Variants in RPS6KA5 observed in about 807,000 individuals in gnomAD.
The protein encoded by RPS6KA5 is ribosomal protein S6 kinase alpha-5.
In RPS6KA5, 27 loss-of-function variants were observed where a neutral mutation model predicts 85.5. That is an observed-to-expected ratio of 0.32 (90% CI 0.23 to 0.44). The LOEUF (loss-of-function observed/expected upper bound fraction) is 0.44, where lower values mean the gene tolerates loss of function less well. Ranked by LOEUF, RPS6KA5 falls within the 20% of genes least tolerant of loss-of-function variation. The pLI is 1.00. For missense variants in RPS6KA5, 811 were observed against 980.9 expected (o/e 0.83, Z 2.31); for synonymous variants, 334 against 348.2 (o/e 0.96, Z 0.46).
At chr14:91,031,849 G>C (rs1370817708) in intron 1 of RPS6KA5, among the ~76,000 whole-genome samples, 2 of 151,926 alleles carry the variant, frequency 1.3e-5, no homozygotes, top group South Asian at 4.2e-4. Context: ...AAATAAAACA[G>C]GTCTAAAATT....
intron 2 of RPS6KA5, among the ~76,000 whole-genome samples, chr14:90,989,868 AG>A (rs2040227442): frequency 6.6e-6 from 1 of 152,160 alleles, no homozygotes; most frequent in Non-Finnish European, 1.5e-5. Flanking sequence ...ATGGGCAGGT[AG>A]GGGGACAGGG....
chr14:91,007,092 T>TC (rs1196519325), intron 1 of RPS6KA5, among the ~76,000 whole-genome samples: 1 of 152,180 alleles, frequency 6.6e-6, no homozygotes, highest in African/African-American at 2.4e-5. Context: ...TGCAGATGGA[T>TC]CACTCATGAC....
intron 1 of RPS6KA5, among the ~76,000 whole-genome samples, chr14:91,046,000 C>CCG (rs2042858201): frequency 1.3e-5 from 2 of 152,236 alleles, no homozygotes; most frequent in East Asian, 1.9e-4. Flanking sequence ...TTTGTTTCCC[C>CCG]GCTCTTCACC....
chr14:90,940,151 C>A (rs1047146238), intron 5 of RPS6KA5, among the ~76,000 whole-genome samples: 2 of 152,110 alleles, frequency 1.3e-5, no homozygotes, highest in African/African-American at 4.8e-5. Context: ...CTAGGGCTAA[C>A]AGGAAGAATG....
At chr14:90,880,831 C>CTTT (rs560458875) in intron 14 of RPS6KA5, among the ~76,000 whole-genome samples, 10 of 132,450 alleles carry the variant, frequency 7.6e-5, no homozygotes, top group Admixed American at 2.3e-4. Context: ...CTTTTGTAAA[C>CTTT]TTTTTTTTTT....
At chr14:90,943,547 G>A (rs1752506481) in intron 4 of RPS6KA5, among the ~76,000 whole-genome samples, 1 of 151,896 alleles carries the variant, frequency 6.6e-6, no homozygotes, top group South Asian at 2.1e-4. Context: ...ACTTCCTAAC[G>A]GCTTCAGAAG....
In RPS6KA5 at chr14:90,902,769, C is replaced by T. The variant is rs1566717310; in HGVS notation, c.1119+39G>A. ...AAATTTAATCTTTTCTTTCAAAGGA[C>T]ATATGGCCAATGTGCATGTGCACAG... is the stretch of plus-strand genomic sequence containing the variant. On this transcript the variant is annotated intron_variant, in intron 9 of 16. Coordinates refer to ENST00000614987, the MANE Select transcript of RPS6KA5 (RefSeq NM_004755.4). 7 of 1,576,056 alleles carry T rather than the reference C, an allele frequency of 4.4e-6. No individual in the cohort carries two copies. The Admixed American group carries it at 7.2e-5, about 16-fold the overall frequency.
intron 1 of RPS6KA5, among the ~76,000 whole-genome samples, chr14:91,026,000 C>T (rs2139815838): frequency 6.6e-6 from 1 of 152,240 alleles, no homozygotes; most frequent in East Asian, 1.9e-4. Context: ...TTCTTTCTCT[C>T]TACTGTCTAT....
chr14:90,911,595 G>A (rs1200097304), intron 7 of RPS6KA5: 1 of 152,162 alleles, frequency 6.6e-6, no homozygotes, highest in Non-Finnish European at 1.5e-5. Context: ...TAGGGGAAAA[G>A]TGAAACATAT....
intron 1 of RPS6KA5, among the ~76,000 whole-genome samples, chr14:91,049,243 C>A (rs992378584): frequency 1.3e-5 from 2 of 152,102 alleles, no homozygotes; most frequent in African/African-American, 4.8e-5. Flanking sequence ...GTATTTTAAC[C>A]ATCCCAATGT....
At chr14:91,056,827 C>T (rs1243859435) in intron 1 of RPS6KA5, among the ~76,000 whole-genome samples, 1 of 132,268 alleles carries the variant, frequency 7.6e-6, no homozygotes, top group Non-Finnish European at 1.5e-5. Flanking sequence ...TAACTTTATA[C>T]TTGAATATCC....
chr14:90,975,998 ATTTG>A (rs1385296365), intron 3 of RPS6KA5, among the ~76,000 whole-genome samples: 2 of 152,028 alleles, frequency 1.3e-5, no homozygotes, highest in African/African-American at 2.4e-5. Context: ...TTTGTTTTGG[ATTTG>A]TTTATTTAGG....
chr14:90,950,604 AT>A (rs961297806), intron 3 of RPS6KA5, among the ~76,000 whole-genome samples: 1 of 152,192 alleles, frequency 6.6e-6, no homozygotes, highest in Non-Finnish European at 1.5e-5. Flanking sequence ...AAGGAGTTGA[AT>A]TTTGGCAAAT....
intron 3 of RPS6KA5, among the ~76,000 whole-genome samples, chr14:90,955,654 ATGGGC>A (rs953437408): frequency 8.5e-5 from 13 of 152,268 alleles, no homozygotes; most frequent in African/African-American, 3.1e-4. Flanking sequence ...TTCTTTAAAA[ATGGGC>A]TGGCATATGA....
At chr14:90,987,475 A>T (rs2040103912) in intron 2 of RPS6KA5, among the ~76,000 whole-genome samples, 4 of 152,124 alleles carry the variant, frequency 2.6e-5, no homozygotes, top group Admixed American at 2.6e-4. Context: ...GAAATGTGTT[A>T]CTCTAAATCT....
intron 2 of RPS6KA5, among the ~76,000 whole-genome samples, chr14:90,995,734 T>G (rs1028351656): frequency 9.2e-5 from 14 of 152,106 alleles, no homozygotes; most frequent in African/African-American, 3.1e-4. Flanking sequence ...CTCAACTGCA[T>G]AGATACCTGG....
chr14:90,975,344 T>C (rs770731660), intron 3 of RPS6KA5, among the ~76,000 whole-genome samples: 13 of 152,226 alleles, frequency 8.5e-5, no homozygotes, highest in Non-Finnish European at 1.8e-4. Flanking sequence ...CAGGCTGAAC[T>C]GTATCTTCCC....
intron 3 of RPS6KA5, among the ~76,000 whole-genome samples, chr14:90,960,988 A>T (rs2038766565): frequency 6.6e-6 from 1 of 152,182 alleles, no homozygotes; most frequent in South Asian, 2.1e-4. Flanking sequence ...GTTTGTACGG[A>T]AGTAGCGTAA....
intron 9 of RPS6KA5, 97 bp from the exon 10 acceptor site, chr14:90,900,833 C>A: frequency 2.0e-6 from 2 of 1,011,594 alleles, no homozygotes; most frequent in Non-Finnish European, 2.8e-6. Context: ...TAGAAAAACA[C>A]TCAAATATTT....
Sources: allele counts gnomAD v4.1 joint callset (sites outside exome capture counted in the v4.1 genomes callset), GRCh38; gene constraint gnomAD v4.1.1; transcripts MANE v1.5; gene names NCBI Gene and HGNC (gene_info 2026-07-23, HGNC 2026-07-21).